The following ARID4B variants were observed in gnomAD, a reference collection of about 807,000 sequenced individuals.
ARID4B encodes AT-rich interactive domain-containing protein 4B.
In ARID4B, 26 loss-of-function variants were observed where a neutral mutation model predicts 147.5. That is an observed-to-expected ratio of 0.18 (90% CI 0.13 to 0.24). The LOEUF (loss-of-function observed/expected upper bound fraction) is 0.24. Among genes scored for constraint, ARID4B ranks in the 10% least tolerant of loss-of-function variants. The pLI, the probability that ARID4B is intolerant of heterozygous loss-of-function variation, is 1.00. For missense variants in ARID4B, 1,179 were observed against 1,511.5 expected (o/e 0.78, Z 3.65); for synonymous variants, 512 against 507.9 (o/e 1.01, Z -0.11).
intron 2 of ARID4B, among the ~76,000 whole-genome samples, chr1:235,292,573 G>C (rs1434480541): frequency 2.0e-5 from 3 of 149,438 alleles, no homozygotes; most frequent in African/African-American, 7.4e-5. Context: ...TTGAGATCAT[G>C]CCACTGCACT....
chr1:235,286,272 G>T (rs1671967951), intron 2 of ARID4B, among the ~76,000 whole-genome samples: 1 of 152,150 alleles, frequency 6.6e-6, no homozygotes, highest in South Asian at 2.1e-4. Context: ...GGACTCAAGT[G>T]ATCCTCCCAC....
intron 2 of ARID4B, among the ~76,000 whole-genome samples, chr1:235,320,203 T>A (rs1572237248): frequency 6.8e-6 from 1 of 146,166 alleles, no homozygotes; most frequent in South Asian, 2.2e-4. Context: ...TACAGGGGAG[T>A]CTGGGGCAAG....
At chr1:235,247,837 A>G (rs1189523595) in intron 6 of ARID4B, among the ~76,000 whole-genome samples, 1 of 151,890 alleles carries the variant, frequency 6.6e-6, no homozygotes, top group Non-Finnish European at 1.5e-5. Flanking sequence ...AAAAATACAA[A>G]ATTAGCCTGG....
At chr1:235,273,197 C>G (rs1338907403) in intron 2 of ARID4B, among the ~76,000 whole-genome samples, 1 of 152,070 alleles carries the variant, frequency 6.6e-6, no homozygotes, top group Non-Finnish European at 1.5e-5. Context: ...ACCACCCCAC[C>G]CAGCTAATTT....
At chr1:235,171,456 T>C (rs1663358700) in intron 23 of ARID4B, among the ~76,000 whole-genome samples, 1 of 152,148 alleles carries the variant, frequency 6.6e-6, no homozygotes. Context: ...TGATACCTTA[T>C]TTGATTTGCA....
At chr1:235,284,171 G>A (rs2103187864) in intron 2 of ARID4B, among the ~76,000 whole-genome samples, 1 of 152,162 alleles carries the variant, frequency 6.6e-6, no homozygotes, top group East Asian at 2.0e-4. Flanking sequence ...CACCAGCCTG[G>A]CCAACATGTG....
intron 10 of ARID4B, among the ~76,000 whole-genome samples, chr1:235,230,888 A>G (rs1305356013): frequency 6.6e-6 from 1 of 150,536 alleles, no homozygotes; most frequent in Non-Finnish European, 1.5e-5. Flanking sequence ...GCGCCACTCC[A>G]CCCTGGGCGA....
chr1:235,247,602 C>T (rs1669379038), intron 6 of ARID4B, among the ~76,000 whole-genome samples: 1 of 152,174 alleles, frequency 6.6e-6, no homozygotes, highest in African/African-American at 2.4e-5. Flanking sequence ...TCATAGCTTT[C>T]ACAACTCTCA....
At chr1:235,188,236 G>A (rs773352512) in intron 19 of ARID4B, among the ~76,000 whole-genome samples, 4 of 151,978 alleles carry the variant, frequency 2.6e-5, no homozygotes, top group Admixed American at 6.6e-5. Flanking sequence ...GGGAAAATAC[G>A]AAAGAAAAGC....
chr1:235,169,230 G>GT lies in ARID4B; in HGVS notation c.3812-579dup, dbSNP rs551988389. 3.6e-3 allele frequency among the ~76,000 whole-genome samples: 537 copies of GT among 147,836 alleles called. 2 individuals are homozygous for GT. The highest frequency in any genetic ancestry group is 6.0e-3 in the African/African-American group (241 of 40,442). On this transcript the variant is annotated intron_variant, in intron 23 of 23. Coordinates refer to ENST00000264183, the MANE Select transcript of ARID4B (RefSeq NM_016374.6). ...AAGTCTCTCACTGTTTCCTTTTTTCGTTTTTTTTTGTTTGTTTGTTTTTTG... is the reference window on the plus strand; with the variant it reads ...AAGTCTCTCACTGTTTCCTTTTTTCGTTTTTTTTTTGTTTGTTTGTTTTTTG...
chr1:235,168,744 T>C (rs1473079807), intron 23 of ARID4B, 92 bp from the exon 24 acceptor site: 1 of 1,342,166 alleles, frequency 7.5e-7, no homozygotes, highest in Admixed American at 2.4e-5. Context: ...AAAATTCCGC[T>C]ATATTGTCCA....
intron 2 of ARID4B, among the ~76,000 whole-genome samples, chr1:235,315,095 G>C (rs1045617613): frequency 9.9e-5 from 15 of 152,108 alleles, no homozygotes; most frequent in Admixed American, 9.2e-4. Context: ...GAGAAAAATG[G>C]CTTAAATGAG....
chr1:235,199,920 T>A (rs551170411), intron 17 of ARID4B, among the ~76,000 whole-genome samples: 1 of 152,026 alleles, frequency 6.6e-6, no homozygotes, highest in African/African-American at 2.4e-5. Context: ...TAAGAAATGT[T>A]CCTTCCGTAT....
intron 22 of ARID4B, among the ~76,000 whole-genome samples, chr1:235,173,768 AAAAATATATATATATATATATATATAT>A (rs1403666348): frequency 9.1e-5 from 4 of 44,198 alleles, no homozygotes; most frequent in African/African-American, 4.2e-4. Flanking sequence ...AAAAAAAAAA[AAAAATATATATATATATATATATATAT>A]ATATATATAT....
In ARID4B at chr1:235,167,974, T is replaced by C. The variant is rs187938326; in HGVS notation, c.*551A>G. The C allele has an allele frequency of 7.3e-3, 1,437 of 197,110 alleles. 10 individuals are homozygous for C. The highest frequency in any genetic ancestry group is 0.011 in the Admixed American group (186 of 16,548). The allele number at this position is 197,110 out of a possible 1,614,324, so 12.2% of individuals were successfully genotyped here. On this transcript the variant is annotated 3_prime_UTR_variant, in exon 24 of 24. Coordinates refer to ENST00000264183, the MANE Select transcript of ARID4B (RefSeq NM_016374.6). ...TTTTTTAAAGAGAATCTTTAATATTTGGTTACCAGGATTGATGTCTAATAT... is the reference window on the plus strand; with the variant it reads ...TTTTTTAAAGAGAATCTTTAATATTCGGTTACCAGGATTGATGTCTAATAT...
intron 20 of ARID4B, chr1:235,181,373 A>G: frequency 1.4e-6 from 1 of 729,148 alleles, no homozygotes; most frequent in Non-Finnish European, 2.1e-6. Flanking sequence ...AATGCCATGG[A>G]TGGCTCAAGC....
chr1:235,260,735 G>C lies in ARID4B; in HGVS notation c.24C>G (p.Pro8=). The C allele has an allele frequency of 1.2e-6, 2 of 1,607,442 alleles. No individual in the cohort carries two copies. The highest frequency in any genetic ancestry group is 1.7e-6 in the Non-Finnish European group (2 of 1,178,208). Residue 8 remains proline, a synonymous_variant, in exon 3 of 24, where the codon CCC becomes CCG. Coordinates refer to ENST00000264183, the MANE Select transcript of ARID4B (RefSeq NM_016374.6). MKALDEP[P]YLTVGTDVSA... ...TCACATCAGTGCCCACTGTCAAATAGGGAGGCTCATCAAGGGCCTAAAAAT... is the reference window on the plus strand; with the variant it reads ...TCACATCAGTGCCCACTGTCAAATACGGAGGCTCATCAAGGGCCTAAAAAT...
rs1325308495 is a variant in ARID4B at position 235,182,646 on chromosome 1, G to A, written c.2273C>T (p.Ser758Phe). 3.1e-6 allele frequency: 5 copies of A among 1,613,606 alleles called. No individual in the cohort carries two copies. The highest frequency in any genetic ancestry group is 2.7e-5 in the African/African-American group (2 of 74,894). The change falls in exon 20 of 24, where the codon TCT (serine) becomes TTT (phenylalanine). Residue 758 changes from serine (S) to phenylalanine (F), a missense_variant. Around this residue, in one of 10 missense-constraint regions of ARID4B, gnomAD observed 321 missense variants for 342.4 expected, o/e 0.94. Transcript: ENST00000264183. ...LISKEEQNSS[S>F]LLEENKVHAD... ...ATGAACTTTGTTTTCTTCTAGCAAA[G>A]ATGAACTGTTCTGTTCCTCCTTTGA... is the stretch of plus-strand genomic sequence containing the variant.
At chr1:235,272,077 G>GA (rs1671026064) in intron 2 of ARID4B, among the ~76,000 whole-genome samples, 1 of 152,056 alleles carries the variant, frequency 6.6e-6, no homozygotes, top group Admixed American at 6.6e-5. Flanking sequence ...TTAATCACTT[G>GA]AAAACCTATC....
Sources: gnomAD v4.1 joint callset for allele counts (sites outside exome capture counted in the v4.1 genomes callset) on GRCh38, gnomAD v4.1.1 for gene constraint, gnomAD v4.1.1 regional missense constraint, MANE v1.5 for transcripts, NCBI Gene and HGNC (gene_info 2026-07-23, HGNC 2026-07-21) for gene names.